Variants in RANBP3L observed in about 807,000 individuals in gnomAD.
The protein encoded by RANBP3L is RAN binding protein 3 like.
Under a neutral mutation model 67.2 loss-of-function variants are expected in RANBP3L, and 56 were observed. The ratio of observed to expected loss-of-function variants is 0.83; its 90% CI spans 0.67 to 1.04. RANBP3L has a LOEUF of 1.04. Ranked by LOEUF, RANBP3L falls within the 50% of genes least tolerant of loss-of-function variation. The probability of loss-of-function intolerance (pLI) is 0.00; values close to 1 mark genes in which losing one functional copy is unlikely to be tolerated. For synonymous variants in RANBP3L, 164 were observed against 181.4 expected, an observed-to-expected ratio of 0.90 and a Z score of 0.77; for missense variants, 496 against 535.5, an observed-to-expected ratio of 0.93 and a Z score of 0.73.
At chr5:36,300,779 T>A (rs1579811462) in intron 1 of RANBP3L, among the ~76,000 whole-genome samples, 1 of 151,870 alleles carries the variant, frequency 6.6e-6, no homozygotes, top group Non-Finnish European at 1.5e-5. Context: ...GGCTGGGAGG[T>A]AGATAGTTTA....
At chr5:36,278,673 T>C (rs548698221) in intron 1 of RANBP3L, among the ~76,000 whole-genome samples, 4 of 152,246 alleles carry the variant, frequency 2.6e-5, no homozygotes, top group Middle Eastern at 6.8e-3. Context: ...TATACTATAA[T>C]TACTACAATT....
At chr5:36,253,919 T>G (rs371697126) in intron 11 of RANBP3L, 130 bp from the exon 12 acceptor site, 3 of 814,352 alleles carry the variant, frequency 3.7e-6, no homozygotes, top group Non-Finnish European at 1.8e-6. Context: ...GTGATTTGAC[T>G]AGATTAAAAC....
chr5:36,295,001 C>G (rs1433574869), intron 1 of RANBP3L, among the ~76,000 whole-genome samples: 2 of 150,250 alleles, frequency 1.3e-5, no homozygotes, highest in South Asian at 4.2e-4. Context: ...TATATACACA[C>G]CATATTTTGT....
At chr5:36,277,422 C>CTCTATATATATA (rs377029015) in intron 1 of RANBP3L, among the ~76,000 whole-genome samples, 1 of 115,262 alleles carries the variant, frequency 8.7e-6, no homozygotes, top group African/African-American at 3.4e-5. Context: ...CTCTCTCTCT[C>CTCTATATATATA]TATATATATA....
intron 1 of RANBP3L, among the ~76,000 whole-genome samples, chr5:36,279,325 G>A (rs1236151549): frequency 6.6e-6 from 1 of 152,106 alleles, no homozygotes; most frequent in Non-Finnish European, 1.5e-5. Context: ...CTTATTTCTA[G>A]CCATATGTGG....
intron 4 of RANBP3L, among the ~76,000 whole-genome samples, chr5:36,265,982 A>AC (rs1554016110): frequency 7.0e-6 from 1 of 143,180 alleles, no homozygotes; most frequent in African/African-American, 3.0e-5. Context: ...CATTTCAAAA[A>AC]AAAAAAAAAA....
chr5:36,251,243 C>G, intron 13 of RANBP3L, 70 bp downstream of exon 13: 1 of 1,296,722 alleles, frequency 7.7e-7, no homozygotes, highest in Non-Finnish European at 1.1e-6. Context: ...AAAAATCTAC[C>G]TAATATATTA....
chr5:36,262,820 T>C (rs1394643723), intron 6 of RANBP3L, among the ~76,000 whole-genome samples: 1 of 152,170 alleles, frequency 6.6e-6, no homozygotes, highest in African/African-American at 2.4e-5. Flanking sequence ...GCATGTGCCA[T>C]GGTTGGCAAA....
rs11956549 is a variant in RANBP3L, at chr5:36,249,860, A to G, written c.1355-163T>C. On this transcript the variant is annotated intron_variant, in intron 13 of 13. Transcript: ENST00000296604. ...ACAAGCAACATTTAGAGATGTTGCT[A>G]AAATTTTAATCATGCCTCTTTTAGA... 3.9e-3 allele frequency among the ~76,000 whole-genome samples: 598 copies of G among 152,148 alleles called. 4 individuals are homozygous for G. The highest frequency in any genetic ancestry group is 0.013 in the African/African-American group (559 of 41,558).
intron 1 of RANBP3L, among the ~76,000 whole-genome samples, chr5:36,286,366 A>G (rs1751325298): frequency 6.6e-6 from 1 of 152,144 alleles, no homozygotes; most frequent in Admixed American, 6.6e-5. Flanking sequence ...ACCAGGGCAG[A>G]CATGACCATG....
rs1255022488 is a variant in RANBP3L, at chr5:36,248,389, CTT to C, written c.*1263_*1264del. 4 of 152,228 alleles carry C rather than the reference CTT, an allele frequency of 2.6e-5. No individual in the cohort carries two copies. The highest frequency in any genetic ancestry group is 2.1e-4 in the South Asian group (1 of 4,824). The allele number at this position is 152,228 out of a possible 1,614,324, so 9.4% of individuals were successfully genotyped here. On this transcript the variant is annotated 3_prime_UTR_variant, in exon 14 of 14. Coordinates refer to ENST00000296604, the MANE Select transcript of RANBP3L (RefSeq NM_145000.5). ...ATTGTCATAATCATAATCTGAAAGA[CTT>C]AATTTAAATTTCATATGCTAAACTT...
intron 1 of RANBP3L, among the ~76,000 whole-genome samples, chr5:36,299,332 T>TATCTGTATATATATACACATAC (rs1752455091): frequency 2.4e-5 from 3 of 125,938 alleles, no homozygotes; most frequent in Admixed American, 7.8e-5. Context: ...TACACATACA[T>TATCTGTATATATATACACATAC]ATATGTGTGT....
Position 36,249,688 on chromosome 5 carries a change from C to T in RANBP3L, c.1364G>A (p.Ser455Asn). Residue 455 changes from serine (S) to asparagine (N), a missense_variant, in exon 14 of 14, where the codon AGT becomes AAT. Ser to Asn is a conservative substitution (Grantham distance 46). Coordinates refer to ENST00000296604, the MANE Select transcript of RANBP3L (RefSeq NM_145000.5). ...QVTKNGSDPS[S>N]WTHRQSVACS Reference sequence around the variant, plus strand: ...GGCAACCGACTGTCTGTGAGTCCAACTAGAAGGATCTGTGATATAAATTTA... The same window carrying T: ...GGCAACCGACTGTCTGTGAGTCCAATTAGAAGGATCTGTGATATAAATTTA... The T allele has an allele frequency of 6.5e-7, 1 of 1,542,802 alleles. No homozygotes were observed.
intron 8 of RANBP3L, among the ~76,000 whole-genome samples, chr5:36,259,042 G>A (rs1474084377): frequency 6.6e-6 from 1 of 152,210 alleles, no homozygotes; most frequent in Non-Finnish European, 1.5e-5. Context: ...GGTTTGGAAA[G>A]CATTGTCTGA....
At chr5:36,283,215 G>T (rs1751092492) in intron 1 of RANBP3L, among the ~76,000 whole-genome samples, 1 of 151,580 alleles carries the variant, frequency 6.6e-6, no homozygotes, top group South Asian at 2.1e-4. Context: ...GTGCCACCAT[G>T]CCCAGCTAAT....
At chr5:36,291,330 CTT>C (rs985740727) in intron 1 of RANBP3L, among the ~76,000 whole-genome samples, 1 of 150,558 alleles carries the variant, frequency 6.6e-6, no homozygotes, top group African/African-American at 2.4e-5. Flanking sequence ...TTTCATTTAA[CTT>C]TTTTATTTTT....
intron 1 of RANBP3L, among the ~76,000 whole-genome samples, chr5:36,271,958 T>C (rs1750246541): frequency 6.6e-6 from 1 of 152,182 alleles, no homozygotes; most frequent in Admixed American, 6.5e-5. Flanking sequence ...ACATAAGTGA[T>C]AACAGCTTTA....
intron 12 of RANBP3L, among the ~76,000 whole-genome samples, chr5:36,252,545 C>T (rs1025220737): frequency 3.3e-5 from 5 of 152,014 alleles, no homozygotes; most frequent in East Asian, 1.9e-4. Flanking sequence ...GTAGCTTTCC[C>T]GAAGGTTATA....
chr5:36,271,614 T>A (rs1750219643), intron 1 of RANBP3L, among the ~76,000 whole-genome samples: 1 of 152,174 alleles, frequency 6.6e-6, no homozygotes, highest in Non-Finnish European at 1.5e-5. Context: ...TAGAATCTCA[T>A]CAGAGCATAG....
Sources: gnomAD v4.1 joint callset for allele counts (sites outside exome capture counted in the v4.1 genomes callset) on GRCh38, gnomAD v4.1.1 for gene constraint, MANE v1.5 for transcripts, NCBI Gene and HGNC (gene_info 2026-07-23, HGNC 2026-07-21) for gene names.